HCN1: variants seen among roughly 807,000 people sequenced by gnomAD.
HCN1 encodes the protein hyperpolarization activated cyclic nucleotide gated potassium channel 1.
HCN1 carries 13 observed loss-of-function variants against 78.9 expected under a neutral mutation model. That is an observed-to-expected ratio of 0.16 (90% CI 0.11 to 0.26). The LOEUF is 0.26. Ranked by LOEUF, HCN1 falls within the 10% of genes least tolerant of loss-of-function variation. The probability of loss-of-function intolerance (pLI) is 1.00; values close to 1 mark genes in which losing one functional copy is unlikely to be tolerated. For synonymous variants in HCN1, 552 were observed against 455.5 expected (o/e 1.21, Z -2.70); for missense variants, 810 against 1,154.3 (o/e 0.70, Z 4.32).
chr5:45,318,320 A>C (rs907209184), intron 5 of HCN1, among the ~76,000 whole-genome samples: 1 of 152,146 alleles, frequency 6.6e-6, no homozygotes, highest in Non-Finnish European at 1.5e-5. Context: ...AAGGACAAAA[A>C]AACAAACACC....
At chr5:45,510,293 A>C (rs1418375091) in intron 2 of HCN1, among the ~76,000 whole-genome samples, 1 of 152,116 alleles carries the variant, frequency 6.6e-6, no homozygotes, top group Non-Finnish European at 1.5e-5. Context: ...TGCAGATAAT[A>C]AGAAGTGAAG....
chr5:45,414,853 T>C (rs1740089854), intron 3 of HCN1, among the ~76,000 whole-genome samples: 1 of 152,066 alleles, frequency 6.6e-6, no homozygotes, highest in Non-Finnish European at 1.5e-5. Flanking sequence ...GTTACTTCTA[T>C]TATTATATAT....
chr5:45,687,006 G>A (rs1272836297), intron 1 of HCN1, among the ~76,000 whole-genome samples: 1 of 149,088 alleles, frequency 6.7e-6, no homozygotes. Context: ...TAATACTAGA[G>A]TTCTTAATTT....
At chr5:45,445,563 G>A (rs539564341) in intron 3 of HCN1, among the ~76,000 whole-genome samples, 1 of 152,334 alleles carries the variant, frequency 6.6e-6, no homozygotes, top group African/African-American at 2.4e-5. Context: ...CTGGAGATCT[G>A]AGAATGGGCA....
At chr5:45,299,024 G>A (rs1745554174) in intron 6 of HCN1, among the ~76,000 whole-genome samples, 1 of 151,856 alleles carries the variant, frequency 6.6e-6, no homozygotes, top group South Asian at 2.1e-4. Context: ...CCCAATTGAG[G>A]GACGTTCTAC....
At chr5:45,498,645 G>T (rs1000787104) in intron 2 of HCN1, among the ~76,000 whole-genome samples, 1 of 152,148 alleles carries the variant, frequency 6.6e-6, no homozygotes, top group Non-Finnish European at 1.5e-5. Context: ...CGTTCCTTTG[G>T]AGGAGGAGAG....
intron 2 of HCN1, among the ~76,000 whole-genome samples, chr5:45,484,827 G>A (rs998281450): frequency 6.6e-6 from 1 of 152,144 alleles, no homozygotes; most frequent in South Asian, 2.1e-4. Context: ...CAATGTGAAT[G>A]TCAGTGTTTG....
At chr5:45,610,186 C>G (rs1744806023) in intron 2 of HCN1, among the ~76,000 whole-genome samples, 1 of 152,086 alleles carries the variant, frequency 6.6e-6, no homozygotes, top group Non-Finnish European at 1.5e-5. Context: ...TTTAATCCCT[C>G]TTTAACTTGA....
At chr5:45,273,734 A>T (rs1481880587) in intron 6 of HCN1, among the ~76,000 whole-genome samples, 1 of 152,160 alleles carries the variant, frequency 6.6e-6, no homozygotes, top group African/African-American at 2.4e-5. Flanking sequence ...CTAATTTCCT[A>T]TAAATTATTT....
chr5:45,486,398 A>G (rs990293708), intron 2 of HCN1, among the ~76,000 whole-genome samples: 1 of 152,192 alleles, frequency 6.6e-6, no homozygotes, highest in Non-Finnish European at 1.5e-5. Context: ...ATTCTATTAC[A>G]AAAACCTTGT....
intron 2 of HCN1, among the ~76,000 whole-genome samples, chr5:45,607,301 T>C (rs1306816371): frequency 1.3e-5 from 2 of 151,562 alleles, no homozygotes. Flanking sequence ...ACAAGAAGGG[T>C]AGTCTATTTT....
intron 2 of HCN1, among the ~76,000 whole-genome samples, chr5:45,591,946 C>T (rs1744372924): frequency 6.6e-6 from 1 of 150,820 alleles, no homozygotes; most frequent in Non-Finnish European, 1.5e-5. Context: ...CCGTGATCCA[C>T]TTTGAGTTAA....
At chr5:45,323,035 CTTAAAGT>C in intron 5 of HCN1, among the ~76,000 whole-genome samples, 1 of 151,884 alleles carries the variant, frequency 6.6e-6, no homozygotes, top group Admixed American at 6.6e-5. Context: ...CCCATTTAAG[CTTAAAGT>C]TAAAAACTGA....
chr5:45,583,489 T>A (rs1744132923), intron 2 of HCN1, among the ~76,000 whole-genome samples: 1 of 152,170 alleles, frequency 6.6e-6, no homozygotes, highest in African/African-American at 2.4e-5. Context: ...TCTGGATTGA[T>A]TGAGTTTTTG....
In HCN1 at chr5:45,415,514, CA is replaced by C. The variant is rs377136490; in HGVS notation, c.1012-18805del. ...CCACCCTGAGCTACTTGCAGTTCCC[CA>C]AACAAGCCAATTCATTATTTGCCAT... On this transcript the variant is annotated intron_variant, in intron 3 of 7. Transcript: ENST00000303230. 7.9e-5 allele frequency among the ~76,000 whole-genome samples: 12 copies of C among 152,110 alleles called. 1 individual carries two copies. Among genetic ancestry groups the C allele is most frequent in the African/African-American group, 2.6e-4 (11 of 41,540 alleles).
At chr5:45,327,743 T>G (rs1275842489) in intron 5 of HCN1, among the ~76,000 whole-genome samples, 1 of 151,580 alleles carries the variant, frequency 6.6e-6, no homozygotes, top group African/African-American at 2.4e-5. Context: ...TCTGACTGGC[T>G]GACTGGCGTC....
At chr5:45,393,068 G>C (rs1231546333) in intron 4 of HCN1, among the ~76,000 whole-genome samples, 1 of 152,098 alleles carries the variant, frequency 6.6e-6, no homozygotes, top group Non-Finnish European at 1.5e-5. Context: ...ACAGTTTCAG[G>C]ATGCTATTCA....
At chr5:45,306,444 A>G (rs1461333464) in intron 5 of HCN1, among the ~76,000 whole-genome samples, 2 of 152,110 alleles carry the variant, frequency 1.3e-5, no homozygotes, top group Non-Finnish European at 2.9e-5. Context: ...ATTTCATATT[A>G]TTGTTTGAAG....
chr5:45,255,923 T>C lies in HCN1; in HGVS notation c.*5998A>G, dbSNP rs899970786. ...TTAAAAAAAAAAGTCTGAATAACTC[T>C]ACGTTACCTGAATTCAATTATATAA... is the stretch of plus-strand genomic sequence containing the variant. On this transcript the variant is annotated 3_prime_UTR_variant, in exon 8 of 8. Transcript: ENST00000303230. 1 of 152,176 alleles carries C rather than the reference T, an allele frequency of 6.6e-6. No homozygotes were observed. The highest frequency in any genetic ancestry group is 1.5e-5 in the Non-Finnish European group (1 of 68,030). 9.4% of individuals were successfully genotyped at this position (152,176 alleles called of 1,614,324 possible). A position where few individuals can be genotyped will look rare whatever the true frequency, so the allele number is the denominator to read the frequency against.
Sources: allele counts gnomAD v4.1 joint callset (sites outside exome capture counted in the v4.1 genomes callset), GRCh38; gene constraint gnomAD v4.1.1; transcripts MANE v1.5; gene names NCBI Gene and HGNC (gene_info 2026-07-23, HGNC 2026-07-21).